WIPF1: variants seen among roughly 807,000 people sequenced by gnomAD.
WIPF1 encodes WAS/WASL interacting protein family member 1.
In WIPF1, 13 loss-of-function variants were observed where a neutral mutation model predicts 35.4. The ratio of observed to expected loss-of-function variants is 0.37; its 90% CI spans 0.24 to 0.58. The LOEUF is 0.58. Among genes scored for constraint, WIPF1 ranks in the 20% least tolerant of loss-of-function variants. The probability of loss-of-function intolerance (pLI) is 0.74; values close to 1 mark genes in which losing one functional copy is unlikely to be tolerated. For synonymous variants in WIPF1, 267 were observed against 266.3 expected, an observed-to-expected ratio of 1.00 and a Z score of -0.02; for missense variants, 591 against 667.0, an observed-to-expected ratio of 0.89 and a Z score of 1.25.
At chr2:174,647,538 T>C (rs939551680) in intron 1 of WIPF1, among the ~76,000 whole-genome samples, 1 of 152,016 alleles carries the variant, frequency 6.6e-6, no homozygotes, top group Admixed American at 6.6e-5. Flanking sequence ...TATGCCTGGC[T>C]AATTTTTGTA....
intron 1 of WIPF1, among the ~76,000 whole-genome samples, chr2:174,619,702 G>C (rs1686618402): frequency 6.6e-6 from 1 of 152,146 alleles, no homozygotes; most frequent in African/African-American, 2.4e-5. Flanking sequence ...CAGCACTTTG[G>C]GAGGCCAAGG....
At position 174,593,836 on chromosome 2, in the gene WIPF1, G is replaced by A. The variant is rs929386941; in HGVS notation, c.-39+3765C>T. Among the ~76,000 whole-genome samples, 7 of 152,164 alleles carry A rather than the reference G, an allele frequency of 4.6e-5. No homozygotes were observed. The East Asian group carries it at 1.3e-3, about 29-fold the overall frequency. ...AAACTTTCAATACCTTTGCAGAAAGGTTCGTTTCTATTATTGCTACTCTTC... is the reference window on the plus strand; with the variant it reads ...AAACTTTCAATACCTTTGCAGAAAGATTCGTTTCTATTATTGCTACTCTTC... On this transcript the variant is annotated intron_variant, in intron 1 of 7. Transcript: ENST00000679041.
intron 1 of WIPF1, among the ~76,000 whole-genome samples, chr2:174,638,311 G>A (rs1352507588): frequency 6.6e-6 from 1 of 152,114 alleles, no homozygotes; most frequent in Admixed American, 6.5e-5. Flanking sequence ...GGGGTACAAT[G>A]TGATATTTTG....
At position 174,617,000 on chromosome 2, in the gene WIPF1, A is replaced by G. The variant is rs548258486; in HGVS notation, c.-38-31389T>C. 5.3e-5 allele frequency among the ~76,000 whole-genome samples: 8 copies of G among 152,222 alleles called. No individual in the cohort carries two copies. The South Asian group carries it at 1.7e-3, about 32-fold the overall frequency. ...TTTTCATTTTTTTTAATAGGAAGAC[A>G]GGAAACAGTGATAAACCTTTAATAT... On this transcript the variant is annotated intron_variant, in intron 1 of 8. Coordinates refer to the WIPF1 transcript ENST00000272746.
rs1687694225 is a variant in WIPF1 at position 174,658,667 on chromosome 2, T to C, written c.-39+24107A>G. Among the ~76,000 whole-genome samples, 2 of 151,980 alleles carry C rather than the reference T, an allele frequency of 1.3e-5. 1 individual carries two copies. The highest frequency in any genetic ancestry group is 2.9e-5 in the Non-Finnish European group (2 of 68,006). ...AGAATCTCATGAGCATCCCATTTCC[T>C]TGAAATGGGTAAAACAGTGTGAGGC... On this transcript the variant is annotated intron_variant, in intron 1 of 8. Transcript: ENST00000272746.
At position 174,572,043 on chromosome 2, in the gene WIPF1, A is replaced by T. The variant is rs1234462123; in HGVS notation, c.762T>A (p.Pro254=). The T allele has an allele frequency of 1.3e-6, 2 of 1,548,922 alleles. No homozygotes were observed. Among genetic ancestry groups the T allele is most frequent in the Admixed American group, 4.0e-5 (2 of 50,030 alleles). ...TGTCATCCAAGGCCCTGCTGGGGGT[A>T]GGCGGCAGGGGAGGCCGGTTGGAGA... ...SPFSNRPPLP[P]TPSRALDDKP... Residue 254 remains proline, a synonymous_variant, in exon 5 of 8, where the codon CCT becomes CCA. Transcript: ENST00000679041.
At chr2:174,575,005 A>G (rs1189449355) in intron 4 of WIPF1, 199 bp downstream of exon 4, 3 of 836,216 alleles carry the variant, frequency 3.6e-6, no homozygotes, top group African/African-American at 3.4e-5. Context: ...TGAAAATTTC[A>G]TAGTTCTGTG....
At position 174,572,407 on chromosome 2, in the gene WIPF1, C is replaced by T; in HGVS notation, c.398G>A (p.Gly133Glu). ...GSRPPLLPPG[G>E]RSTSAKPFSP... ...AAAGGGTTTCGCAGATGTGGATCTT[C>T]CTCCCGGTGGCAACAATGGTGGTCG... Residue 133 changes from glycine to glutamate, a missense_variant, in exon 5 of 8, where the codon GGA becomes GAA. Physicochemically the swap from Gly to Glu is moderately conservative, Grantham distance 98 (BLOSUM62 -2). Coordinates refer to ENST00000679041, the MANE Select transcript of WIPF1 (RefSeq NM_001375834.1). 6.2e-7 allele frequency: 1 copy of T among 1,614,130 alleles called. No homozygotes were observed.
At chr2:174,629,995 G>C (rs1269050494) in intron 1 of WIPF1, 4 of 152,172 alleles carry the variant, frequency 2.6e-5, no homozygotes. Context: ...TAACTTCCTA[G>C]TCTGAAGATA....
intron 3 of WIPF1, among the ~76,000 whole-genome samples, chr2:174,576,243 A>AAAAAAAAAAAAAAAAC (rs1559149036): frequency 3.5e-4 from 52 of 150,460 alleles, no homozygotes; most frequent in African/African-American, 1.2e-3. Flanking sequence ...AAAAAAAAAA[A>AAAAAAAAAAAAAAAAC]AAAAAACACT....
intron 1 of WIPF1, among the ~76,000 whole-genome samples, chr2:174,644,520 G>C (rs1339720904): frequency 6.7e-6 from 1 of 150,332 alleles, no homozygotes; most frequent in Non-Finnish European, 1.5e-5. Flanking sequence ...GAACCCACTG[G>C]CTATGACATA....
chr2:174,655,073 G>A (rs1035593206), intron 1 of WIPF1, among the ~76,000 whole-genome samples: 59 of 152,122 alleles, frequency 3.9e-4, no homozygotes, highest in African/African-American at 1.4e-3. Context: ...GTCCAACCAT[G>A]TTCCACTTCC....
intron 1 of WIPF1, among the ~76,000 whole-genome samples, chr2:174,608,004 T>G (rs1046756294): frequency 1.3e-5 from 2 of 152,164 alleles, no homozygotes; most frequent in African/African-American, 4.8e-5. Context: ...ATTGTTAGAT[T>G]TGCTCTCCAA....
At chr2:174,563,202 T>C (rs896554754) in intron 7 of WIPF1, among the ~76,000 whole-genome samples, 16 of 152,242 alleles carry the variant, frequency 1.1e-4, no homozygotes, top group African/African-American at 3.9e-4. Context: ...TATCTCACTA[T>C]AGTTTTATTT....
At position 174,671,357 on chromosome 2, in the gene WIPF1, C is replaced by T. The variant is rs539567605; in HGVS notation, c.-39+11417G>A. On this transcript the variant is annotated intron_variant, in intron 1 of 8. Transcript: ENST00000272746. Reference sequence around the variant, plus strand: ...TTTAATCTCTTAATCCCGTCATTTTCGTAAGCTGAGGATGTATGTTGCCTC... The same window carrying T: ...TTTAATCTCTTAATCCCGTCATTTTTGTAAGCTGAGGATGTATGTTGCCTC... Among the ~76,000 whole-genome samples, 131 of 152,312 alleles carry T rather than the reference C, an allele frequency of 8.6e-4. 1 individual carries two copies. The highest frequency in any genetic ancestry group is 3.0e-3 in the African/African-American group (124 of 41,564).
chr2:174,667,590 T>G (rs1687919439), intron 1 of WIPF1, among the ~76,000 whole-genome samples: 1 of 152,180 alleles, frequency 6.6e-6, no homozygotes, highest in Admixed American at 6.5e-5. Flanking sequence ...GTGGTCAACT[T>G]TCAGCTCTGA....
chr2:174,609,507 C>T (rs990151430), intron 1 of WIPF1, among the ~76,000 whole-genome samples: 18 of 152,180 alleles, frequency 1.2e-4, no homozygotes, highest in Admixed American at 3.9e-4. Context: ...CGTGATCCTA[C>T]GCATACACGC....
At chr2:174,662,081 C>A (rs905106839) in intron 1 of WIPF1, among the ~76,000 whole-genome samples, 1 of 152,140 alleles carries the variant, frequency 6.6e-6, no homozygotes, top group Non-Finnish European at 1.5e-5. Flanking sequence ...TTCCAGGACC[C>A]CTGCAGATAT....
At chr2:174,635,410 T>C (rs1373739874) in intron 1 of WIPF1, among the ~76,000 whole-genome samples, 2 of 152,136 alleles carry the variant, frequency 1.3e-5, no homozygotes, top group East Asian at 3.9e-4. Context: ...GTGCCGGCTG[T>C]GACCCTCTCT....
Sources: gnomAD v4.1 joint callset for allele counts (sites outside exome capture counted in the v4.1 genomes callset) on GRCh38, gnomAD v4.1.1 for gene constraint, MANE v1.5 for transcripts, NCBI Gene and HGNC (gene_info 2026-07-23, HGNC 2026-07-21) for gene names.